CCT6B: variants seen among roughly 807,000 people sequenced by gnomAD.
CCT6B encodes probable T-complex protein 1 subunit zeta-2.
In CCT6B, 49 loss-of-function variants were observed where a neutral mutation model predicts 61.5. That is an observed-to-expected ratio of 0.80 (90% CI 0.63 to 1.01). The LOEUF is 1.01. Among genes scored for constraint, CCT6B ranks in the 50% least tolerant of loss-of-function variants. CCT6B has a pLI of 0.00. For missense variants in CCT6B, 666 were observed against 634.7 expected (o/e 1.05, Z -0.53); for synonymous variants, 228 against 214.5 (o/e 1.06, Z -0.55).
chr17:34,936,342 T>C (rs933145819), intron 10 of CCT6B, among the ~76,000 whole-genome samples: 2 of 152,132 alleles, frequency 1.3e-5, no homozygotes, highest in African/African-American at 4.8e-5. Flanking sequence ...ACATCATACA[T>C]AATGGAGAAA....
At chr17:34,947,201 C>T (rs1175315120) in intron 5 of CCT6B, among the ~76,000 whole-genome samples, 1 of 152,080 alleles carries the variant, frequency 6.6e-6, no homozygotes, top group African/African-American at 2.4e-5. Flanking sequence ...ATCAAGCATA[C>T]ATTTAACTGG....
chr17:34,942,674 G>T, intron 6 of CCT6B, 31 bp from the exon 7 acceptor site: 1 of 1,555,616 alleles, frequency 6.4e-7, no homozygotes, highest in South Asian at 1.2e-5. Context: ...AGCTAGTAAA[G>T]GCAGGAGGAA....
At position 34,932,434 on chromosome 17, in the gene CCT6B, T is replaced by C. The variant is rs1487197784; in HGVS notation, c.1280A>G (p.Asn427Ser). 6.2e-7 allele frequency: 1 copy of C among 1,612,448 alleles called. No homozygotes were observed. The highest frequency in any genetic ancestry group is 1.3e-5 in the African/African-American group (1 of 74,902). Residue 427 changes from asparagine to serine, a missense_variant, in exon 11 of 14, where the codon AAC becomes AGC. Physicochemically the swap from Asn to Ser is conservative, Grantham distance 46. Transcript: ENST00000314144. ...AMAEALVTYK[N>S]SIKGRARLGV... ...AAGACGAGCTCTTCCTTTTATACTG[T>C]TCTTATATGTAACAAGAGCTTCAGC...
chr17:34,957,819 G>T (rs2090365510), intron 3 of CCT6B, among the ~76,000 whole-genome samples: 1 of 152,164 alleles, frequency 6.6e-6, no homozygotes, highest in Non-Finnish European at 1.5e-5. Context: ...TGTACATGAT[G>T]TTTTCAGAGG....
In CCT6B at chr17:34,942,656, T is replaced by C. The variant is rs751742940; in HGVS notation, c.726-13A>G. ...AGAGTTCACCTCTCTAAAAGATTAATAAAAACCAGCTAGTAAAGGCAGGAG... is the reference window on the plus strand; with the variant it reads ...AGAGTTCACCTCTCTAAAAGATTAACAAAAACCAGCTAGTAAAGGCAGGAG... On this transcript the variant is annotated splice_polypyrimidine_tract_variant and intron_variant, in intron 6 of 13. Coordinates refer to ENST00000314144, the MANE Select transcript of CCT6B (RefSeq NM_006584.4). The C allele has an allele frequency of 6.4e-6, 10 of 1,568,000 alleles. No homozygotes were observed. Among genetic ancestry groups the C allele is most frequent in the Non-Finnish European group, 6.9e-6 (8 of 1,163,856 alleles).
chr17:34,943,621 G>C (rs1209495821), intron 5 of CCT6B: 1 of 152,062 alleles, frequency 6.6e-6, no homozygotes, highest in African/African-American at 2.4e-5. Context: ...TTGTGGGGTG[G>C]GGGAAGCGGG....
intron 13 of CCT6B, 52 bp downstream of exon 13, chr17:34,928,910 A>G: frequency 9.8e-7 from 1 of 1,022,314 alleles, no homozygotes; most frequent in Non-Finnish European, 1.5e-6. Flanking sequence ...TCATCTTAAT[A>G]TTATCAATTA....
chr17:34,957,295 C>A (rs986977165), intron 3 of CCT6B, among the ~76,000 whole-genome samples: 1 of 151,986 alleles, frequency 6.6e-6, no homozygotes, highest in African/African-American at 2.4e-5. Flanking sequence ...CAGGCGTGCA[C>A]CAACACGCCT....
At chr17:34,953,341 A>ATATT (rs1555550678) in intron 4 of CCT6B, among the ~76,000 whole-genome samples, 381 of 139,794 alleles carry the variant, frequency 2.7e-3, no homozygotes, top group African/African-American at 9.1e-3. Flanking sequence ...ATATATATAT[A>ATATT]TTTTTTTGAG....
At chr17:34,940,662 A>G (rs2142151112) in intron 7 of CCT6B, 41 bp from the exon 8 acceptor site, 1 of 1,103,404 alleles carries the variant, frequency 9.1e-7, no homozygotes, top group South Asian at 1.5e-5. Context: ...CATGTTTTAA[A>G]CCAGTATTTC....
In CCT6B at chr17:34,954,622, T is replaced by C. The variant is rs762431819; in HGVS notation, c.337-23A>G. 3.2e-6 allele frequency: 5 copies of C among 1,561,832 alleles called. No homozygotes were observed. The South Asian group carries it at 6.1e-5, about 19-fold the overall frequency. ...GCCCTGTTACATCAACATAAAATTATAAATTATAAAATAAGTCACCCAATG... is the reference window on the plus strand; with the variant it reads ...GCCCTGTTACATCAACATAAAATTACAAATTATAAAATAAGTCACCCAATG... On this transcript the variant is annotated intron_variant, in intron 3 of 13. Coordinates refer to ENST00000314144, the MANE Select transcript of CCT6B (RefSeq NM_006584.4).
At chr17:34,958,097 A>G (rs945008487) in intron 3 of CCT6B, among the ~76,000 whole-genome samples, 3 of 152,230 alleles carry the variant, frequency 2.0e-5, no homozygotes, top group African/African-American at 7.2e-5. Context: ...ATTTTGGCCA[A>G]CAAAGTTCAT....
In CCT6B at chr17:34,942,860, T is replaced by C. The variant is rs1371494555; in HGVS notation, c.661A>G (p.Met221Val). ...VLDHGARHPD[M>V]KKRVEDAFIL... The stretch of plus-strand genomic sequence containing the variant: ...AATGCATCTTCTACTCGCTTCTTCA[T>C]ATCTGGATGACGGGCACCATGATCC... The change falls in exon 6 of 14, where the codon ATG becomes GTG. Residue 221 changes from methionine to valine, a missense_variant. Transcript: ENST00000314144. 1.9e-6 allele frequency: 3 copies of C among 1,611,516 alleles called. No individual in the cohort carries two copies. Among genetic ancestry groups the C allele is most frequent in the East Asian group, 2.2e-5 (1 of 44,836 alleles).
At chr17:34,953,186 T>C (rs1188188415) in intron 4 of CCT6B, among the ~76,000 whole-genome samples, 1 of 152,040 alleles carries the variant, frequency 6.6e-6, no homozygotes, top group Admixed American at 6.6e-5. Context: ...CCTAAGAATT[T>C]ATCATTCTTC....
In CCT6B at chr17:34,958,672, GA is replaced by G. The variant is rs1449121446; in HGVS notation, c.223del (p.Ser75ProfsTer2). On this transcript the variant is annotated frameshift_variant, in exon 3 of 14. Coordinates refer to ENST00000314144, the MANE Select transcript of CCT6B (RefSeq NM_006584.4). LOFTEE classifies it high-confidence loss of function. The stretch of plus-strand genomic sequence containing the variant: ...AGCTGTTGCTACTTTTGCTATCAAG[GA>G]AGCTGTTGGATGTTGAATTTGCTGG... The part of the protein sequence containing the change: ...DEMQIQHPTA[S>X]LIAKVATAQD... 1.2e-6 allele frequency: 2 copies of G among 1,601,176 alleles called. No homozygotes were observed. The highest frequency in any genetic ancestry group is 1.7e-6 in the Non-Finnish European group (2 of 1,174,226).
intron 12 of CCT6B, among the ~76,000 whole-genome samples, chr17:34,929,476 T>G (rs1378460948): frequency 6.8e-6 from 1 of 147,614 alleles, no homozygotes; most frequent in Admixed American, 7.1e-5. Context: ...GGTGTTTTTG[T>G]TTTTTGTTTT....
At chr17:34,928,382 C>G (rs2089993265) in intron 13 of CCT6B, among the ~76,000 whole-genome samples, 1 of 152,024 alleles carries the variant, frequency 6.6e-6, no homozygotes, top group South Asian at 2.1e-4. Flanking sequence ...AAGCAATTCT[C>G]CCGCCTCAGC....
At chr17:34,950,376 T>C (rs1031233155) in intron 5 of CCT6B, among the ~76,000 whole-genome samples, 1 of 151,784 alleles carries the variant, frequency 6.6e-6, no homozygotes, top group African/African-American at 2.4e-5. Flanking sequence ...CACTGTGAAA[T>C]GAAAACAAAC....
At position 34,938,526 on chromosome 17, in the gene CCT6B, A is replaced by G. The variant is rs1567665258; in HGVS notation, c.1213+657T>C. Among the ~76,000 whole-genome samples the G allele has an allele frequency of 3.3e-5, 5 of 152,294 alleles. 1 individual carries two copies. In the South Asian group the frequency reaches 6.2e-4, roughly 19 times the overall value. On this transcript the variant is annotated intron_variant, in intron 10 of 13. Coordinates refer to ENST00000314144, the MANE Select transcript of CCT6B (RefSeq NM_006584.4). ...AGCCATGATTGTGCCACTGCACTCT[A>G]GCCTGGGTGACAGAGCAAGACCCTG...
Sources: gnomAD v4.1 joint callset for allele counts (sites outside exome capture counted in the v4.1 genomes callset) on GRCh38, gnomAD v4.1.1 for gene constraint, MANE v1.5 for transcripts, NCBI Gene and HGNC (gene_info 2026-07-23, HGNC 2026-07-21) for gene names.